The following HHLA2 variants were observed in gnomAD, a reference collection of about 807,000 sequenced individuals.
HHLA2 encodes the protein HERV-H LTR-associating protein 2.
HHLA2 carries 48 observed loss-of-function variants against 45.9 expected under a neutral mutation model. The ratio of observed to expected loss-of-function variants is 1.05; its 90% CI spans 0.83 to 1.33. HHLA2 has a LOEUF of 1.33. HHLA2 is among the 40% of genes most tolerant of loss of function. The probability of loss-of-function intolerance (pLI) is 0.00; values close to 1 mark genes in which losing one functional copy is unlikely to be tolerated. For missense variants in HHLA2, 462 were observed against 494.3 expected (o/e 0.93, Z 0.62); for synonymous variants, 161 against 173.9 (o/e 0.93, Z 0.59).
Position 108,371,851 on chromosome 3 carries a change from A to T in HHLA2, c.1109-3899A>T, listed in dbSNP as rs576174862. Reference sequence around the variant, plus strand: ...CAAGTCCTTAGTGACCTACAAAGAGACTTAGACTCCCACACAATAATAATG... The same window carrying T: ...CAAGTCCTTAGTGACCTACAAAGAGTCTTAGACTCCCACACAATAATAATG... On this transcript the variant is annotated intron_variant, in intron 8 of 10. Coordinates refer to ENST00000619531, the Ensembl canonical transcript of HHLA2. Among the ~76,000 whole-genome samples, 266 of 152,270 alleles carry T rather than the reference A, an allele frequency of 1.7e-3. 2 individuals carry two copies. Among genetic ancestry groups the T allele is most frequent in the African/African-American group, 5.9e-3 (244 of 41,546 alleles).
intron 2 of HHLA2, 89 bp downstream of exon 2, chr3:108,310,830 G>C (rs1488043630): frequency 1.3e-5 from 2 of 152,554 alleles, no homozygotes; most frequent in African/African-American, 4.8e-5. Context: ...GACATATTCA[G>C]TCATCATCTT....
chr3:108,375,487 C>CA (rs1266616531), intron 8 of HHLA2, among the ~76,000 whole-genome samples: 6 of 151,030 alleles, frequency 4.0e-5, no homozygotes, highest in African/African-American at 1.2e-4. Context: ...AATAATAATA[C>CA]AAAATAAATA....
intron 4 of HHLA2, 92 bp downstream of exon 3, chr3:108,351,969 A>G (rs1216007345): frequency 1.2e-6 from 1 of 809,984 alleles, no homozygotes; most frequent in Non-Finnish European, 2.1e-6. Context: ...CTCCATAGCC[A>G]CAGCATCGTG....
chr3:108,345,569 A>C (rs1033094554), intron 3 of HHLA2, among the ~76,000 whole-genome samples: 5 of 152,160 alleles, frequency 3.3e-5, no homozygotes, highest in African/African-American at 1.2e-4. Flanking sequence ...GACCAGCCCC[A>C]ATTTCCAAAT....
intron 3 of HHLA2, among the ~76,000 whole-genome samples, chr3:108,348,735 G>A (rs1162367863): frequency 6.6e-6 from 1 of 151,930 alleles, no homozygotes; most frequent in Non-Finnish European, 1.5e-5. Context: ...TGCCCTGGTG[G>A]TTTGCTGCAC....
chr3:108,348,873 T>C (rs2107445700), intron 3 of HHLA2, among the ~76,000 whole-genome samples: 1 of 148,404 alleles, frequency 6.7e-6, no homozygotes, highest in South Asian at 2.1e-4. Context: ...CACTTATGAG[T>C]GAGAACATGC....
intron 7 of HHLA2, among the ~76,000 whole-genome samples, chr3:108,361,451 T>C (rs1023819108): frequency 4.6e-5 from 7 of 152,074 alleles, no homozygotes; most frequent in Non-Finnish European, 4.4e-5. Flanking sequence ...CAAGTAACCC[T>C]TATTTTATTT....
chr3:108,306,856 T>C (rs2080938734), intron 1 of HHLA2, among the ~76,000 whole-genome samples: 1 of 152,236 alleles, frequency 6.6e-6, no homozygotes, highest in South Asian at 2.1e-4. Context: ...TGCTACTTTT[T>C]TGAATTTTTC....
chr3:108,316,084 TAA>T (rs566823530), intron 2 of HHLA2, among the ~76,000 whole-genome samples: 5 of 89,462 alleles, frequency 5.6e-5, no homozygotes, highest in Admixed American at 1.1e-4. Context: ...TGACAAACAG[TAA>T]AAAAAAAAAA....
At chr3:108,303,245 A>G (rs987855759) in intron 1 of HHLA2, among the ~76,000 whole-genome samples, 1 of 152,162 alleles carries the variant, frequency 6.6e-6, no homozygotes, top group Admixed American at 6.5e-5. Flanking sequence ...CAATTATCCT[A>G]ATACTGTGTC....
rs113631573 is a variant in HHLA2, at chr3:108,361,902, G to A, written c.1004-440G>A. The stretch of plus-strand genomic sequence containing the variant: ...TACTTCATCCTCCAAGGTGAACACT[G>A]GGCTGAGGCTAATTTATGGACATAA... On this transcript the variant is annotated intron_variant, in intron 7 of 10. Coordinates refer to ENST00000619531, the Ensembl canonical transcript of HHLA2. Among the ~76,000 whole-genome samples, 310 of 152,122 alleles carry A rather than the reference G, an allele frequency of 2.0e-3. 2 individuals carry two copies. The highest frequency in any genetic ancestry group is 7.1e-3 in the African/African-American group (296 of 41,496).
At chr3:108,325,225 G>A (rs552281754) in intron 2 of HHLA2, among the ~76,000 whole-genome samples, 45 of 151,704 alleles carry the variant, frequency 3.0e-4, no homozygotes, top group African/African-American at 1.0e-3. Flanking sequence ...AACAGCATGG[G>A]TGCAAAAAAC....
At chr3:108,355,490 A>G in intron 6 of HHLA2, 109 bp downstream of exon 5, 1 of 1,299,304 alleles carries the variant, frequency 7.7e-7, no homozygotes, top group Non-Finnish European at 1.1e-6. Flanking sequence ...AAGCAAATCC[A>G]TCTGCAGCGG....
chr3:108,323,460 A>G (rs2081238816), intron 2 of HHLA2, among the ~76,000 whole-genome samples: 1 of 152,172 alleles, frequency 6.6e-6, no homozygotes, highest in Non-Finnish European at 1.5e-5. Flanking sequence ...CTAAATTTTT[A>G]TTGAGTTAAG....
At chr3:108,324,811 CCTT>C (rs1394748624) in intron 2 of HHLA2, among the ~76,000 whole-genome samples, 2 of 151,682 alleles carry the variant, frequency 1.3e-5, no homozygotes, top group African/African-American at 2.4e-5. Context: ...CTAAATTTTT[CCTT>C]CTTTCTGGGC....
chr3:108,370,023 G>A (rs1056530802), intron 8 of HHLA2, among the ~76,000 whole-genome samples: 10 of 150,686 alleles, frequency 6.6e-5, no homozygotes, highest in African/African-American at 2.2e-4. Flanking sequence ...CCTCAAGTGG[G>A]TCCCTGACCC....
chr3:108,303,040 C>A (rs1470533740), intron 1 of HHLA2, among the ~76,000 whole-genome samples: 1 of 152,158 alleles, frequency 6.6e-6, no homozygotes, highest in Non-Finnish European at 1.5e-5. Flanking sequence ...TAAAATATTT[C>A]TTCCCCTTAT....
chr3:108,325,331 G>A (rs1433012622), intron 2 of HHLA2, among the ~76,000 whole-genome samples: 1 of 152,152 alleles, frequency 6.6e-6, no homozygotes, highest in Non-Finnish European at 1.5e-5. Context: ...CACAAATATA[G>A]TTCTTCAGTT....
chr3:108,373,875 A>G (rs2107516506), intron 8 of HHLA2, among the ~76,000 whole-genome samples: 1 of 151,576 alleles, frequency 6.6e-6, no homozygotes, highest in South Asian at 2.1e-4. Context: ...GGTAGGAAGA[A>G]TCAATATCGT....
Sources: gnomAD v4.1 joint callset for allele counts (sites outside exome capture counted in the v4.1 genomes callset) on GRCh38, gnomAD v4.1.1 for gene constraint, MANE v1.5 for transcripts, NCBI Gene and HGNC (gene_info 2026-07-23, HGNC 2026-07-21) for gene names.